GUCY1A2: variants seen among roughly 807,000 people sequenced by gnomAD.
GUCY1A2 encodes guanylate cyclase 1 soluble subunit alpha 2.
In GUCY1A2, 27 loss-of-function variants were observed where a neutral mutation model predicts 63.5. That is an observed-to-expected ratio of 0.43 (90% CI 0.31 to 0.59). The LOEUF (loss-of-function observed/expected upper bound fraction) is 0.59. Among genes scored for constraint, GUCY1A2 ranks in the 20% least tolerant of loss-of-function variants. The probability of loss-of-function intolerance (pLI) is 0.11; values close to 1 mark genes in which losing one functional copy is unlikely to be tolerated. For missense variants in GUCY1A2, 768 were observed against 913.3 expected, an observed-to-expected ratio of 0.84 and a Z score of 2.05; for synonymous variants, 364 against 343.5, an observed-to-expected ratio of 1.06 and a Z score of -0.66.
Position 106,683,572 on chromosome 11 carries a change from A to C in GUCY1A2, c.*3977T>G, listed in dbSNP as rs1862467955. On this transcript the variant is annotated 3_prime_UTR_variant, in exon 8 of 8. Coordinates refer to ENST00000526355, the MANE Select transcript of GUCY1A2 (RefSeq NM_000855.3). ...CTATCCGCCTGAATGAGGCACCAGC[A>C]ACCCTTTCTGTAGCCATTCTGGGTT... 1 of 228,524 alleles carries C rather than the reference A, an allele frequency of 4.4e-6. No individual in the cohort carries two copies. Among genetic ancestry groups the C allele is most frequent in the East Asian group, 6.2e-5 (1 of 16,110 alleles). 14.2% of individuals were successfully genotyped at this position (228,524 alleles called of 1,614,324 possible). A position where few individuals can be genotyped will look rare whatever the true frequency, so the allele number is the denominator to read the frequency against.
At chr11:106,960,058 C>T (rs1278110329) in intron 3 of GUCY1A2, among the ~76,000 whole-genome samples, 3 of 152,162 alleles carry the variant, frequency 2.0e-5, no homozygotes, top group African/African-American at 7.2e-5. Flanking sequence ...CATAATCTTT[C>T]CACATAGTTC....
At chr11:106,961,885 G>A (rs1316570800) in intron 3 of GUCY1A2, among the ~76,000 whole-genome samples, 1 of 152,166 alleles carries the variant, frequency 6.6e-6, no homozygotes, top group African/African-American at 2.4e-5. Context: ...CTTGTTCTAA[G>A]TAGAAATCTC....
chr11:106,785,318 T>G (rs779002972), intron 5 of GUCY1A2, among the ~76,000 whole-genome samples: 6 of 152,278 alleles, frequency 3.9e-5, no homozygotes, highest in Middle Eastern at 6.8e-3. Flanking sequence ...AGCTGCAAAC[T>G]AGGCAAAGTC....
intron 4 of GUCY1A2, among the ~76,000 whole-genome samples, chr11:106,897,084 AAT>A (rs1860060772): frequency 6.6e-6 from 1 of 152,204 alleles, no homozygotes; most frequent in South Asian, 2.1e-4. Flanking sequence ...TAAAATTAAA[AAT>A]ACAATACATT....
chr11:106,792,877 T>C (rs142199296), intron 5 of GUCY1A2, among the ~76,000 whole-genome samples: 1,871 of 152,166 alleles, frequency 0.012, 37 homozygotes, highest in African/African-American at 0.041. Flanking sequence ...ATTAAAGAAA[T>C]TGAAGACACA....
intron 5 of GUCY1A2, 38 bp downstream of exon 5, chr11:106,809,955 T>G: frequency 7.5e-7 from 1 of 1,340,160 alleles, no homozygotes; most frequent in Non-Finnish European, 1.0e-6. Context: ...AATTTACTAT[T>G]AAAAAACATT....
intron 4 of GUCY1A2, among the ~76,000 whole-genome samples, chr11:106,875,072 G>A (rs1194078167): frequency 1.3e-5 from 2 of 152,080 alleles, no homozygotes; most frequent in East Asian, 1.9e-4. Context: ...GGAAAAATAT[G>A]AAAAGATTTA....
chr11:106,987,949 T>C (rs11211996), intron 1 of GUCY1A2, among the ~76,000 whole-genome samples: 22,125 of 152,080 alleles, frequency 0.15, 2,320 homozygotes, highest in Non-Finnish European at 0.22. Flanking sequence ...AATTCACAAA[T>C]TAATTTTAGG....
chr11:106,741,188 G>A (rs1863688553), intron 6 of GUCY1A2, among the ~76,000 whole-genome samples: 1 of 152,174 alleles, frequency 6.6e-6, no homozygotes, highest in African/African-American at 2.4e-5. Flanking sequence ...TACATTCAAA[G>A]TATTATCAGT....
chr11:106,869,991 G>C lies in GUCY1A2; in HGVS notation c.1207-59513C>G, dbSNP rs534249372. Among the ~76,000 whole-genome samples the C allele has an allele frequency of 6.0e-5, 9 of 151,074 alleles. No homozygotes were observed. The East Asian group carries it at 1.6e-3, about 26-fold the overall frequency. ...TGAAGCTGGAAACCATCATTCTCAG[G>C]AAACTATCGCAAGGACAAATACCAA... On this transcript the variant is annotated intron_variant, in intron 4 of 7. Coordinates refer to ENST00000526355, the MANE Select transcript of GUCY1A2 (RefSeq NM_000855.3).
At chr11:106,914,167 T>C (rs1361757515) in intron 4 of GUCY1A2, among the ~76,000 whole-genome samples, 1 of 151,978 alleles carries the variant, frequency 6.6e-6, no homozygotes, top group Admixed American at 6.6e-5. Context: ...CTGAATACTA[T>C]GGGAGCATAT....
rs1565255502 is a variant in GUCY1A2, at chr11:106,681,186, G to T, written c.*6363C>A. On this transcript the variant is annotated 3_prime_UTR_variant, in exon 8 of 8. Transcript: ENST00000526355. ...TTTATTGTGCTACAGGTGACTTTCAGTCAATCATATTCTGAAGTCAAAATA... is the reference window on the plus strand; with the variant it reads ...TTTATTGTGCTACAGGTGACTTTCATTCAATCATATTCTGAAGTCAAAATA... 4.6e-6 allele frequency: 1 copy of T among 217,084 alleles called. No homozygotes were observed. The highest frequency in any genetic ancestry group is 2.3e-5 in the African/African-American group (1 of 44,424). 13.4% of individuals were successfully genotyped at this position (217,084 alleles called of 1,614,324 possible).
At chr11:106,864,134 C>G (rs1160485001) in intron 4 of GUCY1A2, among the ~76,000 whole-genome samples, 6 of 151,836 alleles carry the variant, frequency 4.0e-5, no homozygotes, top group African/African-American at 1.5e-4. Context: ...TTGTTGGGTA[C>G]AGCAAAACAC....
At chr11:106,830,535 T>C in intron 4 of GUCY1A2, among the ~76,000 whole-genome samples, 1 of 152,120 alleles carries the variant, frequency 6.6e-6, no homozygotes, top group Non-Finnish European at 1.5e-5. Context: ...GCTGCCAGAA[T>C]AAAAGCAGGC....
intron 4 of GUCY1A2, among the ~76,000 whole-genome samples, chr11:106,873,189 T>C (rs139288431): frequency 6.6e-5 from 10 of 152,308 alleles, no homozygotes; most frequent in Non-Finnish European, 1.0e-4. Context: ...TTTGGGATGG[T>C]TCCATGATTT....
chr11:106,916,627 A>AT (rs1317975633), intron 4 of GUCY1A2, among the ~76,000 whole-genome samples: 1 of 145,446 alleles, frequency 6.9e-6, no homozygotes, highest in Non-Finnish European at 1.5e-5. Flanking sequence ...ATATATATGT[A>AT]TTTTTTTAGA....
chr11:106,986,636 A>T (rs1339279129), intron 1 of GUCY1A2, among the ~76,000 whole-genome samples: 2 of 152,190 alleles, frequency 1.3e-5, no homozygotes, highest in East Asian at 3.9e-4. Flanking sequence ...ACTTTATAAT[A>T]AAAGATATTT....
At chr11:107,011,133 G>T (rs1017820340) in intron 1 of GUCY1A2, among the ~76,000 whole-genome samples, 1 of 152,208 alleles carries the variant, frequency 6.6e-6, no homozygotes, top group South Asian at 2.1e-4. Flanking sequence ...ACTGCCTCAT[G>T]CATCGAACAA....
rs1193003835 is a variant in GUCY1A2 at position 106,939,930 on chromosome 11, C to T, written c.736G>A (p.Val246Met). The T allele has an allele frequency of 3.1e-6, 5 of 1,613,832 alleles. No homozygotes were observed. The highest frequency in any genetic ancestry group is 4.2e-6 in the Non-Finnish European group (5 of 1,179,910). The change falls in exon 4 of 8, where the codon GTG (valine) becomes ATG (methionine). Residue 246 changes from valine to methionine, a missense_variant. Coordinates refer to ENST00000526355, the MANE Select transcript of GUCY1A2 (RefSeq NM_000855.3). ...ATCATCCCCAGCATTGCAAACCCCA[C>T]AATATGGTGAGGGTGGAAGTAGTGG... is the stretch of plus-strand genomic sequence containing the variant. ...MLHYFHPHHI[V>M]GFAMLGMIKA...
Sources: allele counts gnomAD v4.1 joint callset (sites outside exome capture counted in the v4.1 genomes callset), GRCh38; gene constraint gnomAD v4.1.1; transcripts MANE v1.5; gene names NCBI Gene and HGNC (gene_info 2026-07-23, HGNC 2026-07-21).